WNK3: variants seen among roughly 807,000 people sequenced by gnomAD.
WNK3 encodes WNK lysine deficient protein kinase 3, also known as serine/threonine-protein kinase WNK3.
Under a neutral mutation model 116.7 loss-of-function variants are expected in WNK3, and 18 were observed. That is an observed-to-expected ratio of 0.15 (90% confidence interval 0.11 to 0.23). The LOEUF is 0.23. WNK3 is among the 10% of genes least tolerant of loss of function. The probability of loss-of-function intolerance (pLI) is 1.00; values close to 1 mark genes in which losing one functional copy is unlikely to be tolerated. For synonymous variants in WNK3, 404 were observed against 469.4 expected (o/e 0.86, Z 1.80); for missense variants, 993 against 1,323.8 (o/e 0.75, Z 3.88).
At chrX:54,273,680 T>C (rs868952763) in intron 10 of WNK3, among the ~76,000 whole-genome samples, 5 of 111,782 alleles carry the variant, frequency 4.5e-5, no homozygotes, top group Non-Finnish European at 9.4e-5. Flanking sequence ...GAACAAAATA[T>C]ATGGAAACCA....
At chrX:54,319,360 G>A (rs1236872270) in intron 2 of WNK3, among the ~76,000 whole-genome samples, 4 of 110,244 alleles carry the variant, frequency 3.6e-5, no homozygotes, top group Admixed American at 9.8e-5. Context: ...ATGGGATTTC[G>A]CCATGTTGCC....
At chrX:54,251,263 A>C in intron 15 of WNK3, 136 bp downstream of exon 15, 2 of 472,966 alleles carry the variant, frequency 4.2e-6, no homozygotes, top group South Asian at 7.8e-5. Context: ...TGGGCCTTTC[A>C]AAGTGTGAGA....
chrX:54,298,079 A>G (rs1281484179), intron 7 of WNK3, 96 bp downstream of exon 7: 16 of 640,158 alleles, frequency 2.5e-5, no homozygotes, highest in Non-Finnish European at 3.4e-5. Flanking sequence ...TCTCAAAAAA[A>G]AGGAGAAAAT....
chrX:54,339,889 G>C (rs2069295907), intron 1 of WNK3, among the ~76,000 whole-genome samples: 1 of 111,790 alleles, frequency 8.9e-6, no homozygotes, highest in Non-Finnish European at 1.9e-5. Context: ...GCTGGGCGCG[G>C]TGGCTCACGC....
intron 4 of WNK3, 84 bp downstream of exon 4, chrX:54,309,011 C>T: frequency 1.2e-6 from 1 of 802,189 alleles, no homozygotes; most frequent in Non-Finnish European, 1.8e-6. Context: ...TCCCACTGGC[C>T]ATAGCTGGCT....
intron 1 of WNK3, among the ~76,000 whole-genome samples, chrX:54,344,052 A>C: frequency 8.9e-6 from 1 of 112,227 alleles, no homozygotes; most frequent in Non-Finnish European, 1.9e-5. Flanking sequence ...CTTAATAAAA[A>C]AAACTTTGGG....
intron 17 of WNK3, among the ~76,000 whole-genome samples, chrX:54,240,395 G>C (rs1447416487): frequency 3.6e-5 from 4 of 110,784 alleles, no homozygotes; most frequent in African/African-American, 1.3e-4. Context: ...TTTACTTTCT[G>C]AAGTCTCATT....
intron 1 of WNK3, among the ~76,000 whole-genome samples, chrX:54,350,303 G>A (rs1355671826): frequency 3.6e-5 from 4 of 109,992 alleles, no homozygotes; most frequent in Non-Finnish European, 7.6e-5. Flanking sequence ...CCAGCTACTC[G>A]GGAGGCTGAG....
intron 22 of WNK3, among the ~76,000 whole-genome samples, chrX:54,217,551 G>C (rs1339589092): frequency 9.2e-6 from 1 of 108,827 alleles, no homozygotes; most frequent in Non-Finnish European, 1.9e-5. Context: ...CAACCCAGGA[G>C]GCGGAGGTTG....
At chrX:54,337,222 T>C (rs1277039902) in intron 1 of WNK3, among the ~76,000 whole-genome samples, 1 of 111,488 alleles carries the variant, frequency 9.0e-6, no homozygotes, top group Non-Finnish European at 1.9e-5. Flanking sequence ...GAATTTAAGT[T>C]GGAAAGCCTT....
At chrX:54,198,328 T>C in exon 24 of WNK3, 1 of 1,183,470 alleles carries the variant, frequency 8.4e-7, no homozygotes, top group Non-Finnish European at 1.1e-6. Context: ...TCTGATTCAT[T>C]TAGGACCAGG....
exon 2 of WNK3, chrX:54,333,712 C>T: frequency 5.7e-6 from 6 of 1,054,247 alleles, no homozygotes; most frequent in Non-Finnish European, 7.7e-6. Flanking sequence ...CCTGTTTCTA[C>T]TCTTCAGTCC....
At chrX:54,291,962 A>C (rs1329460620) in intron 10 of WNK3, among the ~76,000 whole-genome samples, 1 of 111,562 alleles carries the variant, frequency 9.0e-6, no homozygotes, top group East Asian at 2.8e-4. Context: ...AGAGGAGAAA[A>C]CCGGGTAATG....
At chrX:54,275,413 A>ATGTGTG (rs782746924) in intron 10 of WNK3, among the ~76,000 whole-genome samples, 885 of 58,301 alleles carry the variant, frequency 0.015, 23 homozygotes, top group African/African-American at 0.035. Flanking sequence ...GTATAAGTTC[A>ATGTGTG]TATGTGTGTG....
intron 11 of WNK3, among the ~76,000 whole-genome samples, chrX:54,258,971 A>T (rs868956758): frequency 2.3e-4 from 25 of 110,367 alleles, no homozygotes; most frequent in African/African-American, 8.2e-4. Context: ...ATTTCTTTAG[A>T]TTAGCTAGAA....
At chrX:54,263,134 T>C (rs1282270368) in intron 10 of WNK3, among the ~76,000 whole-genome samples, 2 of 110,339 alleles carry the variant, frequency 1.8e-5, no homozygotes, top group African/African-American at 6.6e-5. Flanking sequence ...TTAGTGGTTC[T>C]CAGCCCCAGA....
At chrX:54,248,190 C>T (rs1287042557) in intron 17 of WNK3, among the ~76,000 whole-genome samples, 1 of 109,078 alleles carries the variant, frequency 9.2e-6, no homozygotes, top group Non-Finnish European at 1.9e-5. Context: ...CATGCCACTG[C>T]ACTCCAGCCT....
At chrX:54,243,391 G>A (rs1338390220) in intron 17 of WNK3, among the ~76,000 whole-genome samples, 2 of 98,222 alleles carry the variant, frequency 2.0e-5, no homozygotes, top group Admixed American at 1.1e-4. Context: ...ACTACAGTCC[G>A]GCCTGGGCGA....
chrX:54,227,986 G>A (rs1459301893), intron 22 of WNK3, among the ~76,000 whole-genome samples: 5 of 111,046 alleles, frequency 4.5e-5, no homozygotes, highest in African/African-American at 1.6e-4. Context: ...AACCTCCTAG[G>A]CTCAAGCAAT....
Sources: allele counts gnomAD v4.1 joint callset (sites outside exome capture counted in the v4.1 genomes callset), GRCh38; gene constraint gnomAD v4.1.1; transcripts MANE v1.5; gene names NCBI Gene and HGNC (gene_info 2026-07-23, HGNC 2026-07-21).